Variants in TMEM11 observed in about 807,000 individuals in gnomAD.
TMEM11 encodes transmembrane protein 11, also known as transmembrane protein 11, mitochondrial.
A neutral mutation model predicts 17.0 loss-of-function variants in TMEM11; 1 was observed. The observed-to-expected ratio is 0.06, with a 90% CI of 0.02 to 0.28. The LOEUF (loss-of-function observed/expected upper bound fraction) is 0.28, where lower values mean the gene tolerates loss of function less well. TMEM11 is among the 10% of genes least tolerant of loss of function. The pLI is 1.00. For synonymous variants in TMEM11, 122 were observed against 118.1 expected (o/e 1.03, Z -0.21); for missense variants, 172 against 252.9 (o/e 0.68, Z 2.17).
chr17:21,204,116 T>A (rs12949581), intron 1 of TMEM11, among the ~76,000 whole-genome samples: 1 of 117,220 alleles, frequency 8.5e-6, no homozygotes, highest in South Asian at 2.8e-4. Flanking sequence ...TAATAGAGTC[T>A]ATGTTTAAAA....
At chr17:21,200,789 G>A (rs972576001) in intron 1 of TMEM11, among the ~76,000 whole-genome samples, 18 of 152,208 alleles carry the variant, frequency 1.2e-4, no homozygotes, top group Non-Finnish European at 2.2e-4. Flanking sequence ...GGTCCCGTCC[G>A]CCCAGCCTGT....
rs745656168 is a variant in TMEM11, at chr17:21,214,079, C to T, written c.62+12G>A. The T allele has an allele frequency of 9.9e-6, 16 of 1,608,276 alleles. No homozygotes were observed. Among genetic ancestry groups the T allele is most frequent in the Admixed American group, 3.3e-5 (2 of 59,804 alleles). On this transcript the variant is annotated intron_variant, in intron 1 of 1. Transcript: ENST00000317635. ...CCGCCTGCACTGGGGGCAACAAGCC[C>T]TTGGATCTCACCTCTCTCGGGCGCT...
intron 1 of TMEM11, among the ~76,000 whole-genome samples, chr17:21,203,740 G>A (rs1974909391): frequency 6.7e-6 from 1 of 150,014 alleles, no homozygotes; most frequent in African/African-American, 2.4e-5. Context: ...AGTACTCCCA[G>A]GAGACAGCCA....
chr17:21,200,051 G>A lies in TMEM11; in HGVS notation c.63-1211C>T, dbSNP rs537509798. 9.7e-4 allele frequency among the ~76,000 whole-genome samples: 148 copies of A among 152,254 alleles called. 1 individual carries two copies. The highest frequency in any genetic ancestry group is 1.6e-3 in the Non-Finnish European group (107 of 68,016). The stretch of plus-strand genomic sequence containing the variant: ...GACCACACAAGGGGCTTTCCCCCCC[G>A]GGACTGGGGATGCATGTCATGACCC... On this transcript the variant is annotated intron_variant, in intron 1 of 1. Transcript: ENST00000317635.
At chr17:21,207,659 G>T (rs112361317) in intron 1 of TMEM11, among the ~76,000 whole-genome samples, 1 of 151,924 alleles carries the variant, frequency 6.6e-6, no homozygotes, top group Admixed American at 6.6e-5. Flanking sequence ...AGGCCGAGGC[G>T]GGCGGATTAC....
intron 1 of TMEM11, 127 bp downstream of exon 1, chr17:21,213,964 G>A (rs1229031208): frequency 4.4e-6 from 4 of 904,754 alleles, no homozygotes; most frequent in Non-Finnish European, 3.3e-6. Flanking sequence ...AACCCAGTAT[G>A]CCCGGCGAGG....
In TMEM11 at chr17:21,198,112, T is replaced by A; in HGVS notation, c.*212A>T. The A allele has an allele frequency of 1.6e-6, 1 of 621,568 alleles. No individual in the cohort carries two copies. 38.5% of individuals were successfully genotyped at this position (621,568 alleles called of 1,614,324 possible). A position where few individuals can be genotyped will look rare whatever the true frequency, so the allele number is the denominator to read the frequency against. Reference sequence around the variant, plus strand: ...ACTGCCCAGTCGGACTTCCACAGCCTCAGACCCCCCTCTTGGGTTATGGAA... The same window carrying A: ...ACTGCCCAGTCGGACTTCCACAGCCACAGACCCCCCTCTTGGGTTATGGAA... On this transcript the variant is annotated 3_prime_UTR_variant, in exon 2 of 2. Transcript: ENST00000317635. This position sits in a 1 kb window ranked among gnomAD's most constrained non-coding sequence, Gnocchi z 6.5.
At chr17:21,209,415 T>G (rs1165808184) in intron 1 of TMEM11, among the ~76,000 whole-genome samples, 1 of 152,212 alleles carries the variant, frequency 6.6e-6, no homozygotes, top group East Asian at 1.9e-4. Flanking sequence ...ACTGCCCCTC[T>G]GCCTAAGACA....
intron 1 of TMEM11, among the ~76,000 whole-genome samples, chr17:21,212,535 A>G (rs1975014075): frequency 6.6e-6 from 1 of 152,256 alleles, no homozygotes; most frequent in South Asian, 2.1e-4. Context: ...GAGGTTCAAC[A>G]GTCAAGGACT....
At chr17:21,209,177 T>C (rs546692817) in intron 1 of TMEM11, among the ~76,000 whole-genome samples, 28 of 152,372 alleles carry the variant, frequency 1.8e-4, no homozygotes, top group African/African-American at 6.5e-4. Context: ...ACTTTCCTAT[T>C]CTGCGCACTG....
rs1194622944 is a variant in TMEM11 at position 21,198,873 on chromosome 17, A to G, written c.63-33T>C. On this transcript the variant is annotated intron_variant, in intron 1 of 1. Transcript: ENST00000317635. This position sits in a 1 kb window ranked among gnomAD's most constrained non-coding sequence, Gnocchi z 6.5. ...TGGAGGGGGCAGGAAAGGGAGAGAG[A>G]GAGAGAGACAGGATGATTAGGCTGA... 1 of 1,581,178 alleles carries G rather than the reference A, an allele frequency of 6.3e-7. No individual in the cohort carries two copies. Among genetic ancestry groups the G allele is most frequent in the East Asian group, 2.2e-5 (1 of 44,584 alleles).
At chr17:21,199,610 C>T (rs9916120) in intron 1 of TMEM11, among the ~76,000 whole-genome samples, 1 of 152,210 alleles carries the variant, frequency 6.6e-6, no homozygotes, top group Non-Finnish European at 1.5e-5. Flanking sequence ...TAAGCCCTTG[C>T]CCTCCGCACG....
chr17:21,210,856 A>G (rs1974995664), intron 1 of TMEM11: 1 of 1,201,988 alleles, frequency 8.3e-7, no homozygotes, highest in African/African-American at 1.6e-5. Context: ...AGGTTGCCTC[A>G]TATCATGCTC....
At chr17:21,207,599 T>C (rs1974955893) in intron 1 of TMEM11, among the ~76,000 whole-genome samples, 1 of 135,228 alleles carries the variant, frequency 7.4e-6, no homozygotes, top group Admixed American at 7.5e-5. Context: ...TACATGAAAA[T>C]AGATCAGGCT....
At position 21,214,098 on chromosome 17, in the gene TMEM11, G is replaced by C. The variant is rs1975035490; in HGVS notation, c.55C>G (p.Arg19Gly). The change falls in exon 1 of 2, where the codon CGA (arginine) becomes GGA (glycine). Residue 19 changes from arginine (R) to glycine (G), a missense_variant. This residue lies in a region of TMEM11 where 49 missense variants were observed against 39.3 expected (regional missense o/e 1.25). Transcript: ENST00000317635. ...LGPGSSGGSA[R>G]ERVSLSATDC... The stretch of plus-strand genomic sequence containing the variant: ...CAAGCCCTTGGATCTCACCTCTCTC[G>C]GGCGCTGCCGCCACTGCTGCCCGGG... 1 of 1,610,558 alleles carries C rather than the reference G, an allele frequency of 6.2e-7. No individual in the cohort carries two copies. Among genetic ancestry groups the C allele is most frequent in the Non-Finnish European group, 8.5e-7 (1 of 1,179,334 alleles).
At chr17:21,202,789 C>T (rs1974896887) in intron 1 of TMEM11, among the ~76,000 whole-genome samples, 1 of 152,216 alleles carries the variant, frequency 6.6e-6, no homozygotes, top group South Asian at 2.1e-4. Context: ...CATCCTCTGC[C>T]CTCGGCTGTG....
At chr17:21,204,449 A>G (rs1028765320) in intron 1 of TMEM11, among the ~76,000 whole-genome samples, 25 of 151,850 alleles carry the variant, frequency 1.6e-4, no homozygotes, top group African/African-American at 5.5e-4. Flanking sequence ...AAAAAAAAAA[A>G]AAAAAAAAAA....
chr17:21,198,819 G>C lies in TMEM11; in HGVS notation c.84C>G (p.Asp28Glu), dbSNP rs766464679. Reference protein sequence around the residue: ...ARERVSLSATDCYIVHEIYNG... With the variant: ...ARERVSLSATECYIVHEIYNG... ...TGTAGATCTCATGCACAATGTAGCA[G>C]TCTGTGGCCGACAAGCTCACCCTTT... The change falls in exon 2 of 2, where the codon GAC (aspartate) becomes GAG (glutamate). Residue 28 changes from aspartate (D) to glutamate (E), a missense_variant. Asp to Glu is a conservative substitution (Grantham distance 45). Around this residue, in one of 2 missense-constraint regions of TMEM11, gnomAD observed 49 missense variants for 39.3 expected, o/e 1.25. Transcript: ENST00000317635. The surrounding 1 kb of genome is among the most constrained non-coding windows in gnomAD (Gnocchi z 6.5). The C allele has an allele frequency of 2.5e-6, 4 of 1,610,604 alleles. No individual in the cohort carries two copies. Among genetic ancestry groups the C allele is most frequent in the Non-Finnish European group, 3.4e-6 (4 of 1,177,778 alleles).
At chr17:21,205,095 T>C (rs772127230) in intron 1 of TMEM11, among the ~76,000 whole-genome samples, 1 of 151,960 alleles carries the variant, frequency 6.6e-6, no homozygotes, top group South Asian at 2.1e-4. Flanking sequence ...CTGGCAACAC[T>C]AGCATTCCAG....
Sources: gnomAD v4.1 joint callset for allele counts (sites outside exome capture counted in the v4.1 genomes callset) on GRCh38, gnomAD v4.1.1 for gene constraint, gnomAD v4.1.1 regional missense constraint, Gnocchi (gnomAD v3.1) non-coding constraint, MANE v1.5 for transcripts, NCBI Gene and HGNC (gene_info 2026-07-23, HGNC 2026-07-21) for gene names.